PLXDC2: variants seen among roughly 807,000 people sequenced by gnomAD.
The protein encoded by PLXDC2 is plexin domain-containing protein 2.
In PLXDC2, 40 loss-of-function variants were observed where a neutral mutation model predicts 68.9. The observed-to-expected ratio is 0.58, with a 90% CI of 0.45 to 0.76. PLXDC2 has a LOEUF of 0.76. Among genes scored for constraint, PLXDC2 ranks in the 30% least tolerant of loss-of-function variants. PLXDC2 has a pLI of 0.00. For missense variants in PLXDC2, 644 were observed against 661.9 expected, an observed-to-expected ratio of 0.97 and a Z score of 0.30; for synonymous variants, 243 against 234.2, an observed-to-expected ratio of 1.04 and a Z score of -0.34.
At chr10:20,066,877 T>C (rs117830865) in intron 3 of PLXDC2, among the ~76,000 whole-genome samples, 2,181 of 152,320 alleles carry the variant, frequency 0.014, 21 homozygotes, top group South Asian at 0.031. Context: ...TGTGGAATTT[T>C]AATGTAATAG....
chr10:19,916,484 A>G lies in PLXDC2; in HGVS notation c.113-85291A>G, dbSNP rs568281930. ...CTTTTTTTCTTTTTTCAAAATACATATGGATACATAAGCAATCAAAGTCTC... is the reference window on the plus strand; with the variant it reads ...CTTTTTTTCTTTTTTCAAAATACATGTGGATACATAAGCAATCAAAGTCTC... On this transcript the variant is annotated intron_variant, in intron 1 of 13. Transcript: ENST00000377252. Among the ~76,000 whole-genome samples, 9 of 152,030 alleles carry G rather than the reference A, an allele frequency of 5.9e-5. No individual in the cohort carries two copies. In the East Asian group the frequency reaches 1.7e-3, roughly 29 times the overall value.
intron 1 of PLXDC2, among the ~76,000 whole-genome samples, chr10:19,962,632 C>T (rs1425491090): frequency 1.4e-5 from 2 of 146,838 alleles, no homozygotes; most frequent in African/African-American, 2.5e-5. Context: ...CGTCGTGATC[C>T]GCCTGCCTCG....
rs1399143896 is a variant in PLXDC2, at chr10:20,285,614, C to G, written c.*5795C>G. On this transcript the variant is annotated 3_prime_UTR_variant, in exon 14 of 14. Transcript: ENST00000377252. ...GAAAAAAAGTTACTCAAAATTCTCC[C>G]TGACCTAAGAATACTTTCTAGTTCA... The G allele has an allele frequency of 6.6e-6, 1 of 152,164 alleles. No homozygotes were observed. Among genetic ancestry groups the G allele is most frequent in the Non-Finnish European group, 1.5e-5 (1 of 68,020 alleles). 9.4% of individuals were successfully genotyped at this position (152,164 alleles called of 1,614,324 possible).
chr10:20,179,275 G>A (rs1834570389), intron 9 of PLXDC2, among the ~76,000 whole-genome samples: 2 of 152,178 alleles, frequency 1.3e-5, no homozygotes, highest in South Asian at 2.1e-4. Context: ...GCTTGCTGAC[G>A]CTTGTTCATT....
At chr10:19,926,179 C>T (rs1227804291) in intron 1 of PLXDC2, among the ~76,000 whole-genome samples, 1 of 152,188 alleles carries the variant, frequency 6.6e-6, no homozygotes, top group Non-Finnish European at 1.5e-5. Flanking sequence ...GTTACTCACA[C>T]AGCAATCTCT....
intron 2 of PLXDC2, among the ~76,000 whole-genome samples, chr10:20,010,828 G>A (rs1835100293): frequency 6.6e-6 from 1 of 152,212 alleles, no homozygotes; most frequent in South Asian, 2.1e-4. Context: ...ATCACATCCA[G>A]TTCTTTCTAC....
chr10:20,071,210 CTCTT>C (rs1836310849), intron 4 of PLXDC2: 3 of 152,206 alleles, frequency 2.0e-5, no homozygotes, highest in African/African-American at 7.2e-5. Context: ...AGCTTGCTTG[CTCTT>C]TCTTTGTTCA....
At chr10:20,154,286 C>T (rs186896368) in intron 6 of PLXDC2, among the ~76,000 whole-genome samples, 8 of 152,218 alleles carry the variant, frequency 5.3e-5, no homozygotes, top group Non-Finnish European at 4.4e-5. Flanking sequence ...TTCCAATGGC[C>T]GGGTACGGTG....
intron 13 of PLXDC2, among the ~76,000 whole-genome samples, chr10:20,261,156 G>A (rs973913038): frequency 1.3e-5 from 2 of 152,074 alleles, no homozygotes; most frequent in African/African-American, 4.8e-5. Flanking sequence ...TCCTCTTCAT[G>A]TTGTTACTTG....
intron 9 of PLXDC2, among the ~76,000 whole-genome samples, chr10:20,204,780 C>G (rs981565949): frequency 6.6e-5 from 10 of 152,118 alleles, no homozygotes; most frequent in African/African-American, 2.4e-4. Flanking sequence ...ACAGTGGTGA[C>G]TAGTTGGGAC....
At chr10:20,187,361 C>T (rs1302438081) in intron 9 of PLXDC2, among the ~76,000 whole-genome samples, 2 of 151,644 alleles carry the variant, frequency 1.3e-5, no homozygotes, top group South Asian at 2.1e-4. Context: ...CTTTAATTGA[C>T]ATAACAATTA....
chr10:20,090,070 G>A (rs1006243224), intron 4 of PLXDC2, among the ~76,000 whole-genome samples: 1 of 152,180 alleles, frequency 6.6e-6, no homozygotes. Flanking sequence ...CACCACAAAT[G>A]AAGCTGAATC....
At chr10:20,109,022 A>C (rs1350780122) in intron 4 of PLXDC2, among the ~76,000 whole-genome samples, 2 of 152,200 alleles carry the variant, frequency 1.3e-5, no homozygotes, top group African/African-American at 2.4e-5. Context: ...AAAAAGAAGA[A>C]CTTTGGATCT....
chr10:19,932,074 T>C (rs1458343620), intron 1 of PLXDC2, among the ~76,000 whole-genome samples: 1 of 152,096 alleles, frequency 6.6e-6, no homozygotes. Context: ...TCACATGCTG[T>C]TCAAATAACC....
chr10:20,168,894 C>T (rs1834409920), intron 7 of PLXDC2, among the ~76,000 whole-genome samples: 1 of 152,108 alleles, frequency 6.6e-6, no homozygotes, highest in Non-Finnish European at 1.5e-5. Context: ...CTGTATCCAA[C>T]TATTTATTTG....
intron 3 of PLXDC2, among the ~76,000 whole-genome samples, chr10:20,060,091 G>A (rs1462394583): frequency 1.3e-5 from 2 of 152,102 alleles, no homozygotes; most frequent in East Asian, 1.9e-4. Context: ...GGATTGCAGT[G>A]GTGTGATCAC....
At chr10:20,217,599 T>A in intron 11 of PLXDC2, 23 bp downstream of exon 11, 1 of 344,694 alleles carries the variant, frequency 2.9e-6, no homozygotes, top group Non-Finnish European at 3.7e-6. Flanking sequence ...TAGTTTGCTT[T>A]TTTTTTTTTT....
chr10:19,845,334 T>C lies in PLXDC2; in HGVS notation c.112+28143T>C, dbSNP rs1023047951. ...TGCCAGATGAAATGTTAAACTGAACTGTAGAGAGTAAGGGTAATTTATCGC... is the reference window on the plus strand; with the variant it reads ...TGCCAGATGAAATGTTAAACTGAACCGTAGAGAGTAAGGGTAATTTATCGC... On this transcript the variant is annotated intron_variant, in intron 1 of 13. Transcript: ENST00000377252. 1.8e-4 allele frequency among the ~76,000 whole-genome samples: 27 copies of C among 152,240 alleles called. 1 individual carries two copies. Among genetic ancestry groups the C allele is most frequent in the Non-Finnish European group, 7.4e-5 (5 of 68,018 alleles).
At chr10:20,247,124 C>A (rs371834200) in intron 13 of PLXDC2, among the ~76,000 whole-genome samples, 1 of 151,974 alleles carries the variant, frequency 6.6e-6, no homozygotes, top group Non-Finnish European at 1.5e-5. Context: ...AGCCCAAATT[C>A]TCCATGTCAC....
Sources: gnomAD v4.1 joint callset for allele counts (sites outside exome capture counted in the v4.1 genomes callset) on GRCh38, gnomAD v4.1.1 for gene constraint, MANE v1.5 for transcripts, NCBI Gene and HGNC (gene_info 2026-07-23, HGNC 2026-07-21) for gene names.